SP100: variants seen among roughly 807,000 people sequenced by gnomAD.
SP100 encodes the protein SP100 nuclear body protein.
Under a neutral mutation model 130.0 loss-of-function variants are expected in SP100, and 84 were observed. The ratio of observed to expected loss-of-function variants is 0.65; its 90% CI spans 0.54 to 0.77. The LOEUF (loss-of-function observed/expected upper bound fraction) is 0.77, where lower values mean the gene tolerates loss of function less well. Ranked by LOEUF, SP100 falls within the 30% of genes least tolerant of loss-of-function variation. SP100 has a pLI of 0.00. For synonymous variants in SP100, 331 were observed against 351.7 expected (o/e 0.94, Z 0.66); for missense variants, 978 against 1,052.2 (o/e 0.93, Z 0.97).
intron 2 of SP100, among the ~76,000 whole-genome samples, chr2:230,439,158 GA>G (rs1410040971): frequency 9.2e-5 from 14 of 152,020 alleles, no homozygotes; most frequent in Non-Finnish European, 8.8e-5. Flanking sequence ...CTTCTTTTGA[GA>G]ATTGTCTATT....
chr2:230,534,989 G>A (rs1691864498), intron 24 of SP100, among the ~76,000 whole-genome samples: 2 of 152,118 alleles, frequency 1.3e-5, no homozygotes, highest in Admixed American at 1.3e-4. Context: ...AAGGTCAGGA[G>A]TTCGAGACCA....
intron 2 of SP100, among the ~76,000 whole-genome samples, chr2:230,429,343 T>C (rs1356522977): frequency 6.6e-6 from 1 of 152,236 alleles, no homozygotes; most frequent in Non-Finnish European, 1.5e-5. Flanking sequence ...ATGAGAGCTC[T>C]CTTATATGTA....
At chr2:230,493,355 C>A (rs928069971) in intron 17 of SP100, among the ~76,000 whole-genome samples, 1 of 152,118 alleles carries the variant, frequency 6.6e-6, no homozygotes, top group African/African-American at 2.4e-5. Context: ...GTAGCTGGGA[C>A]TACAGGCATG....
At chr2:230,520,289 A>G (rs1056528399) in intron 24 of SP100, among the ~76,000 whole-genome samples, 4 of 152,216 alleles carry the variant, frequency 2.6e-5, no homozygotes, top group African/African-American at 7.2e-5. Context: ...ATTTGGTCAC[A>G]GACAGAGAAT....
chr2:230,468,963 C>A, intron 13 of SP100, 80 bp from the exon 14 acceptor site: 1 of 823,050 alleles, frequency 1.2e-6, no homozygotes. Context: ...AGTCCAAATT[C>A]TGTCAACAGT....
At chr2:230,476,552 G>C (rs1423802199) in intron 17 of SP100, among the ~76,000 whole-genome samples, 1 of 152,022 alleles carries the variant, frequency 6.6e-6, no homozygotes, top group East Asian at 1.9e-4. Context: ...TTTGAAAATA[G>C]ATGTTCTTGT....
intron 5 of SP100, among the ~76,000 whole-genome samples, chr2:230,447,997 A>T (rs2063782924): frequency 6.6e-6 from 1 of 152,228 alleles, no homozygotes; most frequent in African/African-American, 2.4e-5. Flanking sequence ...AGGGGTTGTT[A>T]TGAATAACAG....
At chr2:230,531,760 A>G (rs1316760049) in intron 24 of SP100, among the ~76,000 whole-genome samples, 1 of 152,156 alleles carries the variant, frequency 6.6e-6, no homozygotes, top group Non-Finnish European at 1.5e-5. Context: ...GTGAGTTTCT[A>G]AATTGTACAA....
intron 2 of SP100, 77 bp from the exon 3 acceptor site, chr2:230,442,860 A>G (rs1226303914): frequency 3.2e-6 from 4 of 1,246,478 alleles, no homozygotes; most frequent in East Asian, 4.6e-5. Context: ...CTTGTCCTTT[A>G]TATGTAAACT....
chr2:230,540,574 C>T (rs924984719), intron 25 of SP100, among the ~76,000 whole-genome samples: 2 of 152,188 alleles, frequency 1.3e-5, no homozygotes, highest in Admixed American at 6.5e-5. Flanking sequence ...CTGTAGCAAA[C>T]CGTGCTCATT....
At chr2:230,515,985 T>C in intron 24 of SP100, 2 of 1,008,276 alleles carry the variant, frequency 2.0e-6, no homozygotes, top group African/African-American at 1.7e-5. Flanking sequence ...ACAAAACATT[T>C]GTTGTTCTGT....
intron 9 of SP100, among the ~76,000 whole-genome samples, chr2:230,461,940 C>T (rs2064667855): frequency 6.8e-6 from 1 of 147,978 alleles, no homozygotes; most frequent in Admixed American, 6.7e-5. Flanking sequence ...CAGAGCAAGA[C>T]TCTGTCTCAA....
chr2:230,497,801 C>T (rs2066780479), intron 18 of SP100, among the ~76,000 whole-genome samples: 1 of 152,042 alleles, frequency 6.6e-6, no homozygotes, highest in African/African-American at 2.4e-5. Flanking sequence ...TCCCCTTGGA[C>T]AATAATCTCT....
chr2:230,505,282 C>T (rs1689994569), intron 21 of SP100, among the ~76,000 whole-genome samples: 1 of 152,214 alleles, frequency 6.6e-6, no homozygotes, highest in African/African-American at 2.4e-5. Context: ...CACAAGACAT[C>T]CAACTAGCAC....
chr2:230,440,617 TC>T, intron 2 of SP100: 1 of 1,322,240 alleles, frequency 7.6e-7, no homozygotes, highest in Admixed American at 3.8e-5. Context: ...TGTTGTCATC[TC>T]CCCCAAATTT....
chr2:230,427,900 C>A (rs941177603), intron 2 of SP100, among the ~76,000 whole-genome samples: 38 of 152,310 alleles, frequency 2.5e-4, no homozygotes, highest in Middle Eastern at 3.4e-3. Flanking sequence ...TCTCCAATAA[C>A]AAATTACTAT....
At chr2:230,444,400 A>T (rs1041422993) in intron 4 of SP100, 54 bp downstream of exon 4, 30 of 1,399,532 alleles carry the variant, frequency 2.1e-5, no homozygotes, top group Non-Finnish European at 2.8e-5. Context: ...TTTTTCAATA[A>T]GTATATACTG....
chr2:230,439,136 C>A lies in SP100; in HGVS notation c.108-3801C>A, dbSNP rs1392425229. 2.6e-5 allele frequency among the ~76,000 whole-genome samples: 4 copies of A among 152,156 alleles called. No homozygotes were observed. The South Asian group carries it at 6.2e-4, about 24-fold the overall frequency. On this transcript the variant is annotated intron_variant, in intron 2 of 28. Coordinates refer to ENST00000340126, the MANE Select transcript of SP100 (RefSeq NM_001080391.2). Reference sequence around the variant, plus strand: ...GAGAATTTTTTCATATATTTCTTGGCCATTTGCATATCTTCTTTTGAGAAT... The same window carrying A: ...GAGAATTTTTTCATATATTTCTTGGACATTTGCATATCTTCTTTTGAGAAT...
At chr2:230,469,481 A>AGAAGC (rs1400625594) in intron 14 of SP100, 1 of 463,858 alleles carries the variant, frequency 2.2e-6, no homozygotes, top group African/African-American at 2.0e-5. Context: ...TGAAAGCCTA[A>AGAAGC]GAAGCGTAAG....
Sources: gnomAD v4.1 joint callset for allele counts (sites outside exome capture counted in the v4.1 genomes callset) on GRCh38, gnomAD v4.1.1 for gene constraint, MANE v1.5 for transcripts, NCBI Gene and HGNC (gene_info 2026-07-23, HGNC 2026-07-21) for gene names.